SLC35D4: variants seen among roughly 807,000 people sequenced by gnomAD.
SLC35D4 encodes the protein solute carrier family 35 member D4, also known as UDP-N-acetylglucosamine transporter SLC35D4.
the SLC35D4 span, among the ~76,000 whole-genome samples, chr18:23,396,522 C>T: frequency 7.9e-5 from 12 of 152,254 alleles, no homozygotes; most frequent in African/African-American, 2.6e-4. Flanking sequence ...ATCTGCTTTC[C>T]GCCCTCCTCC....
the SLC35D4 span, among the ~76,000 whole-genome samples, chr18:23,250,277 A>C: frequency 6.6e-6 from 1 of 152,232 alleles, no homozygotes; most frequent in African/African-American, 2.4e-5. Context: ...TGCAAACCTC[A>C]TGACTTTCCT....
chr18:23,266,751 C>T, the SLC35D4 span, among the ~76,000 whole-genome samples: 2 of 152,258 alleles, frequency 1.3e-5, no homozygotes, highest in East Asian at 1.9e-4. Context: ...GAGGCTTCCT[C>T]TCCAGTGATG....
At chr18:23,368,204 C>T in the SLC35D4 span, among the ~76,000 whole-genome samples, 1 of 152,208 alleles carries the variant, frequency 6.6e-6, no homozygotes, top group Admixed American at 6.5e-5. Context: ...GTTGCCAATG[C>T]TCCCCTTTTC....
chr18:23,288,554 C>A, the SLC35D4 span, among the ~76,000 whole-genome samples: 2 of 151,518 alleles, frequency 1.3e-5, no homozygotes, highest in African/African-American at 2.4e-5. Flanking sequence ...AGGGATTTGC[C>A]CCCCCGCCCC....
At chr18:23,253,069 A>G in the SLC35D4 span, 2 of 1,585,836 alleles carry the variant, frequency 1.3e-6, no homozygotes, top group Non-Finnish European at 1.7e-6. Flanking sequence ...ATTAGGAGGT[A>G]CGGGAGGCTG....
At chr18:23,345,720 C>CAA in the SLC35D4 span, among the ~76,000 whole-genome samples, 1 of 141,518 alleles carries the variant, frequency 7.1e-6, no homozygotes, top group African/African-American at 2.6e-5. Flanking sequence ...GAATTTCTAC[C>CAA]AAAAAAAAAA....
chr18:23,396,421 T>G, the SLC35D4 span, among the ~76,000 whole-genome samples: 1 of 152,158 alleles, frequency 6.6e-6, no homozygotes, highest in Non-Finnish European at 1.5e-5. Flanking sequence ...ATCCACCCTA[T>G]GAATTTCTAA....
At chr18:23,379,215 C>T in the SLC35D4 span, among the ~76,000 whole-genome samples, 1 of 151,982 alleles carries the variant, frequency 6.6e-6, no homozygotes, top group East Asian at 1.9e-4. Context: ...CCTCTGCCTC[C>T]TGGGTTCAAG....
At chr18:23,310,305 T>G in the SLC35D4 span, 1 of 978,504 alleles carries the variant, frequency 1.0e-6, no homozygotes, top group Non-Finnish European at 1.2e-6. Flanking sequence ...ATTAATTAAT[T>G]ATTTGCAAAT....
At chr18:23,298,060 G>C in the SLC35D4 span, 10 of 1,613,812 alleles carry the variant, frequency 6.2e-6, no homozygotes, top group Non-Finnish European at 8.5e-6. Flanking sequence ...AGCGCACCGA[G>C]CAGGAGGCTG....
the SLC35D4 span, chr18:23,297,932 G>A: frequency 3.2e-6 from 5 of 1,557,646 alleles, no homozygotes; most frequent in Non-Finnish European, 4.4e-6. Context: ...GGAGCTATGA[G>A]ACCAGGGGCT....
the SLC35D4 span, among the ~76,000 whole-genome samples, chr18:23,349,360 C>T: frequency 1.3e-5 from 2 of 152,268 alleles, no homozygotes; most frequent in East Asian, 1.9e-4. Context: ...TGGCCAGGCA[C>T]GGGGGCTCAC....
chr18:23,273,556 G>A, the SLC35D4 span, among the ~76,000 whole-genome samples: 4 of 152,346 alleles, frequency 2.6e-5, no homozygotes, highest in South Asian at 8.3e-4. Flanking sequence ...AGAGAACTGA[G>A]ACTGGTGCTT....
the SLC35D4 span, among the ~76,000 whole-genome samples, chr18:23,341,056 T>G: frequency 1.3e-5 from 2 of 152,368 alleles, no homozygotes; most frequent in East Asian, 3.9e-4. Context: ...CACACGTCCC[T>G]GCATTTCTCT....
At chr18:23,247,992 C>T in the SLC35D4 span, among the ~76,000 whole-genome samples, 2 of 152,242 alleles carry the variant, frequency 1.3e-5, no homozygotes, top group Non-Finnish European at 2.9e-5. Flanking sequence ...GCCTCTCTGT[C>T]AGGAAACGGA....
chr18:23,353,648 C>T, the SLC35D4 span, among the ~76,000 whole-genome samples: 1 of 152,110 alleles, frequency 6.6e-6, no homozygotes, highest in Non-Finnish European at 1.5e-5. Flanking sequence ...AAAGTTTGTT[C>T]CAATTTGCAT....
the SLC35D4 span, among the ~76,000 whole-genome samples, chr18:23,396,952 G>A: frequency 6.6e-6 from 1 of 152,024 alleles, no homozygotes; most frequent in Non-Finnish European, 1.5e-5. Flanking sequence ...TCAAAGACCA[G>A]GACAGCTGCA....
chr18:23,364,430 G>C, the SLC35D4 span, among the ~76,000 whole-genome samples: 1 of 152,088 alleles, frequency 6.6e-6, no homozygotes, highest in African/African-American at 2.4e-5. Flanking sequence ...AAGCCACAAG[G>C]AGCACAACCA....
chr18:23,327,544 T>TC, the SLC35D4 span, among the ~76,000 whole-genome samples: 1 of 152,124 alleles, frequency 6.6e-6, no homozygotes, highest in Non-Finnish European at 1.5e-5. Flanking sequence ...GCTCTGAAAT[T>TC]GAGGCAATAA....
Sources: allele counts gnomAD v4.1 joint callset (sites outside exome capture counted in the v4.1 genomes callset), GRCh38; gene constraint gnomAD v4.1.1; transcripts MANE v1.5; gene names NCBI Gene and HGNC (gene_info 2026-07-23, HGNC 2026-07-21).